The following RPS6KA6 variants were observed in gnomAD, a reference collection of about 807,000 sequenced individuals.
RPS6KA6 encodes ribosomal protein S6 kinase A6.
In RPS6KA6, 27 loss-of-function variants were observed where a neutral mutation model predicts 65.4. The ratio of observed to expected loss-of-function variants is 0.41; its 90% CI spans 0.30 to 0.57. RPS6KA6 has a LOEUF of 0.57. Ranked by LOEUF, RPS6KA6 falls within the 20% of genes least tolerant of loss-of-function variation. The probability of loss-of-function intolerance (pLI) is 0.24; values close to 1 mark genes in which losing one functional copy is unlikely to be tolerated. For missense variants in RPS6KA6, 486 were observed against 555.6 expected (o/e 0.87, Z 1.26); for synonymous variants, 190 against 184.2 (o/e 1.03, Z -0.26).
chrX:84,145,917 T>C (rs190648594), intron 5 of RPS6KA6, among the ~76,000 whole-genome samples: 1 of 111,458 alleles, frequency 9.0e-6, no homozygotes, highest in East Asian at 2.8e-4. Flanking sequence ...CTTTCCAGGA[T>C]TTCCCCCTTT....
intron 1 of RPS6KA6, among the ~76,000 whole-genome samples, chrX:84,180,952 G>A (rs1346722903): frequency 2.7e-5 from 3 of 111,773 alleles, no homozygotes; most frequent in Non-Finnish European, 5.7e-5. Context: ...TTACCAAGAT[G>A]TTTTGAAGAA....
At chrX:84,112,925 C>T (rs995360793) in intron 12 of RPS6KA6, among the ~76,000 whole-genome samples, 1 of 110,966 alleles carries the variant, frequency 9.0e-6, no homozygotes, top group Admixed American at 9.6e-5. Flanking sequence ...ATGGTTTAAC[C>T]AAGAAGAAAA....
intron 20 of RPS6KA6, 123 bp from the exon 21 acceptor site, chrX:84,065,234 A>G: frequency 2.3e-6 from 1 of 438,868 alleles, no homozygotes; most frequent in Non-Finnish European, 3.8e-6. Flanking sequence ...CATTTATGCA[A>G]AGTAAAATCT....
intron 8 of RPS6KA6, among the ~76,000 whole-genome samples, chrX:84,120,688 T>C (rs1298183966): frequency 3.6e-5 from 4 of 111,739 alleles, no homozygotes; most frequent in African/African-American, 1.3e-4. Flanking sequence ...AGTTATACCA[T>C]GTTCATGAAT....
intron 1 of RPS6KA6, among the ~76,000 whole-genome samples, chrX:84,175,432 G>A (rs1467152649): frequency 9.0e-6 from 1 of 111,209 alleles, no homozygotes; most frequent in East Asian, 2.8e-4. Context: ...TATACTGCTA[G>A]GTATTACATA....
intron 20 of RPS6KA6, among the ~76,000 whole-genome samples, chrX:84,071,685 T>A (rs889329291): frequency 4.8e-4 from 53 of 110,751 alleles, no homozygotes; most frequent in African/African-American, 1.7e-3. Flanking sequence ...TAAACACAAT[T>A]GACAAACCTT....
At position 84,095,353 on chromosome X, in the gene RPS6KA6, T is replaced by G. The variant is rs761305158; in HGVS notation, c.1971+841A>C. On this transcript the variant is annotated intron_variant, in intron 20 of 21. Coordinates refer to ENST00000262752, the MANE Select transcript of RPS6KA6 (RefSeq NM_014496.5). Reference sequence around the variant, plus strand: ...CTAAAAGCCACATGGTGACAAGTGATAGTTTTCATTTAAAACTTAAAATTT... The same window carrying G: ...CTAAAAGCCACATGGTGACAAGTGAGAGTTTTCATTTAAAACTTAAAATTT... Among the ~76,000 whole-genome samples, 110 of 111,997 alleles carry G rather than the reference T, an allele frequency of 9.8e-4. 1 individual carries two copies. The South Asian group carries it at 0.011, about 11-fold the overall frequency.
At chrX:84,150,923 T>TAGGATATATATATATAG (rs2035298234) in intron 3 of RPS6KA6, among the ~76,000 whole-genome samples, 1 of 90,692 alleles carries the variant, frequency 1.1e-5, no homozygotes, top group African/African-American at 3.9e-5. Context: ...AGGATATATA[T>TAGGATATATATATATAG]AGGATATATA....
intron 17 of RPS6KA6, among the ~76,000 whole-genome samples, chrX:84,103,464 T>C (rs1225702533): frequency 1.8e-5 from 2 of 111,465 alleles, no homozygotes; most frequent in Non-Finnish European, 3.8e-5. Flanking sequence ...TCCTTATCTT[T>C]AATCAGAGTT....
intron 2 of RPS6KA6, among the ~76,000 whole-genome samples, chrX:84,159,021 T>C (rs1428313238): frequency 1.8e-5 from 2 of 111,524 alleles, no homozygotes; most frequent in East Asian, 2.8e-4. Flanking sequence ...ATAATAGATA[T>C]ACACACAAAT....
intron 20 of RPS6KA6, among the ~76,000 whole-genome samples, chrX:84,094,366 G>A (rs1395852922): frequency 9.2e-6 from 1 of 108,483 alleles, no homozygotes; most frequent in African/African-American, 3.4e-5. Flanking sequence ...GTGGAGGCCT[G>A]GTGTGGTGGC....
At chrX:84,079,002 A>G (rs1182752608) in intron 20 of RPS6KA6, among the ~76,000 whole-genome samples, 1 of 111,682 alleles carries the variant, frequency 9.0e-6, no homozygotes, top group Non-Finnish European at 1.9e-5. Flanking sequence ...AGTCTAGCAT[A>G]TAAGTTCTTG....
At chrX:84,147,163 T>C in intron 4 of RPS6KA6, 105 bp from the exon 5 acceptor site, 4 of 483,393 alleles carry the variant, frequency 8.3e-6, no homozygotes, top group Non-Finnish European at 1.3e-5. Context: ...AAAACGTAAC[T>C]TCCTAAATGC....
chrX:84,117,518 C>A, intron 9 of RPS6KA6, 64 bp from the exon 10 acceptor site: 2 of 716,967 alleles, frequency 2.8e-6, no homozygotes, highest in South Asian at 8.2e-5. Context: ...ATAAGATTCT[C>A]TAGAAAAAAA....
At position 84,166,304 on chromosome X, in the gene RPS6KA6, G is replaced by C. The variant is rs1298889285; in HGVS notation, c.82-1917C>G. ...AGATGGCTCCAAAGTTGAACTATCTGACAAGAATCTTAAAGCAGCTACTAT... is the reference window on the plus strand; with the variant it reads ...AGATGGCTCCAAAGTTGAACTATCTCACAAGAATCTTAAAGCAGCTACTAT... On this transcript the variant is annotated intron_variant, in intron 1 of 21. Transcript: ENST00000262752. Among the ~76,000 whole-genome samples the C allele has an allele frequency of 4.5e-5, 5 of 111,593 alleles. No homozygotes were observed. In the Admixed American group the frequency reaches 4.8e-4, roughly 11 times the overall value.
chrX:84,187,739 T>TC, intron 1 of RPS6KA6, 80 bp downstream of exon 1: 4 of 1,000,469 alleles, frequency 4.0e-6, no homozygotes, highest in Non-Finnish European at 2.7e-6. Flanking sequence ...CCTACGCCTC[T>TC]CCTCTCTCCG....
intron 19 of RPS6KA6, among the ~76,000 whole-genome samples, chrX:84,097,214 T>C (rs1454535061): frequency 2.7e-5 from 3 of 111,814 alleles, no homozygotes; most frequent in African/African-American, 9.7e-5. Flanking sequence ...TGCTACTCAT[T>C]ATTGAGAGTA....
In RPS6KA6 at chrX:84,064,378, C is replaced by T; in HGVS notation, c.2137G>A (p.Ala713Thr). 8.3e-7 allele frequency: 1 copy of T among 1,202,577 alleles called. No individual in the cohort carries two copies. Among genetic ancestry groups the T allele is most frequent in the Non-Finnish European group, 1.1e-6 (1 of 891,942 alleles). ...VKGAMVATYS[A>T]LTHKTFQPVL... ...GGTTGAAAGGTCTTGTGAGTCAGGG[C>T]AGAGTATGTTGCAACCATTGCTCCC... Residue 713 changes from alanine to threonine, a missense_variant, in exon 22 of 22, where the codon GCC (alanine) becomes ACC (threonine). By Grantham distance (58) the Ala-to-Thr change is moderately conservative. Coordinates refer to ENST00000262752, the MANE Select transcript of RPS6KA6 (RefSeq NM_014496.5).
intron 1 of RPS6KA6, among the ~76,000 whole-genome samples, chrX:84,184,626 T>C (rs1255547468): frequency 9.1e-6 from 1 of 110,020 alleles, no homozygotes; most frequent in Non-Finnish European, 1.9e-5. Context: ...TAGGGTCTCA[T>C]GAAAATTAAT....
Sources: gnomAD v4.1 joint callset for allele counts (sites outside exome capture counted in the v4.1 genomes callset) on GRCh38, gnomAD v4.1.1 for gene constraint, MANE v1.5 for transcripts, NCBI Gene and HGNC (gene_info 2026-07-23, HGNC 2026-07-21) for gene names.